Variants in NSD2 observed in about 807,000 individuals in gnomAD.
NSD2 encodes nuclear receptor binding SET domain protein 2.
Under a neutral mutation model 139.0 loss-of-function variants are expected in NSD2, and 12 were observed. The ratio of observed to expected loss-of-function variants is 0.09; its 90% CI spans 0.06 to 0.14. The LOEUF (loss-of-function observed/expected upper bound fraction) is 0.14. Among genes scored for constraint, NSD2 ranks in the 10% least tolerant of loss-of-function variants. The pLI is 1.00. For synonymous variants in NSD2, 669 were observed against 648.7 expected, an observed-to-expected ratio of 1.03 and a Z score of -0.48; for missense variants, 1,155 against 1,745.0, an observed-to-expected ratio of 0.66 and a Z score of 6.02.
At chr4:1,963,955 G>A (rs1395562282) in intron 18 of NSD2, among the ~76,000 whole-genome samples, 1 of 152,210 alleles carries the variant, frequency 6.6e-6, no homozygotes, top group Non-Finnish European at 1.5e-5. Context: ...CTATGATCAT[G>A]TCAATATATT....
Position 1,893,555 on chromosome 4 carries a change from T to TG in NSD2, c.-29-7071_-29-7070insG, listed in dbSNP as rs1438890232. 2.8e-3 allele frequency among the ~76,000 whole-genome samples: 414 copies of TG among 147,902 alleles called. 2 individuals carry two copies. The Middle Eastern group carries it at 0.031, about 11-fold the overall frequency. Reference sequence around the variant, plus strand: ...TTTTTTGTTTTTTGTTTTTTTTTTTTTTTTGTTTTGTTTTGAGACAAGGTC... The same window carrying TG: ...TTTTTTGTTTTTTGTTTTTTTTTTTTGTTTTGTTTTGTTTTGAGACAAGGTC... On this transcript the variant is annotated intron_variant, in intron 1 of 21. Coordinates refer to ENST00000508803, the MANE Select transcript of NSD2 (RefSeq NM_001042424.3).
chr4:1,904,651 C>G (rs920567533), intron 3 of NSD2, among the ~76,000 whole-genome samples: 1 of 152,082 alleles, frequency 6.6e-6, no homozygotes, highest in Non-Finnish European at 1.5e-5. Flanking sequence ...TATTTAGTTA[C>G]GATGATTGCT....
chr4:1,968,614 A>C (rs28673461), intron 18 of NSD2, among the ~76,000 whole-genome samples: 1,824 of 152,334 alleles, frequency 0.012, 38 homozygotes, highest in African/African-American at 0.042. Context: ...GAGAAATAAT[A>C]GTAATTAGAA....
chr4:1,978,523 C>T, intron 21 of NSD2, 115 bp from the exon 22 acceptor site: 6 of 1,433,112 alleles, frequency 4.2e-6, no homozygotes, highest in Non-Finnish European at 5.7e-6. Flanking sequence ...TTCGCTGGAG[C>T]CAGCACTATT....
At chr4:1,879,083 C>G (rs1714512437) in intron 1 of NSD2, among the ~76,000 whole-genome samples, 1 of 152,150 alleles carries the variant, frequency 6.6e-6, no homozygotes, top group South Asian at 2.1e-4. Context: ...AAATGTGTCT[C>G]TGGAGCTTCA....
intron 2 of NSD2, among the ~76,000 whole-genome samples, chr4:1,903,382 G>A (rs1008750023): frequency 1.3e-5 from 2 of 152,174 alleles, no homozygotes; most frequent in Admixed American, 6.5e-5. Flanking sequence ...ATGTTCTAGA[G>A]ATGGAGAAAT....
At chr4:1,944,020 G>A in intron 9 of NSD2, 1 of 1,065,796 alleles carries the variant, frequency 9.4e-7, no homozygotes, top group Non-Finnish European at 1.1e-6. Flanking sequence ...GCATGACATT[G>A]GCATCAGCTG....
rs1172004623 is a variant in NSD2, at chr4:1,974,265, C to A, written c.3373-598C>A. Among the ~76,000 whole-genome samples, 1 of 151,152 alleles carries A rather than the reference C, an allele frequency of 6.6e-6. No individual in the cohort carries two copies. Among genetic ancestry groups the A allele is most frequent in the Non-Finnish European group, 1.5e-5 (1 of 67,844 alleles). On this transcript the variant is annotated intron_variant, in intron 18 of 21. Transcript: ENST00000508803. The surrounding 1 kb of genome is among the most constrained non-coding windows in gnomAD (Gnocchi z 4.0). The stretch of plus-strand genomic sequence containing the variant: ...TGCTTTTGTTGCCCAGGCTGGAGTG[C>A]AGTGGCGCGATCTCCACTCTCTGTA...
chr4:1,942,314 T>C lies in NSD2; in HGVS notation c.1881+2536T>C, dbSNP rs749523324. ...ATTCCTTTAGTAGAGCAAATTCTTA[T>C]TTTTTTCGCCTTCACTGGTAACAGC... On this transcript the variant is annotated intron_variant, in intron 9 of 21. Transcript: ENST00000508803. This position sits in a 1 kb window ranked among gnomAD's most constrained non-coding sequence, Gnocchi z 4.0. 4 of 1,610,160 alleles carry C rather than the reference T, an allele frequency of 2.5e-6. No individual in the cohort carries two copies. Among genetic ancestry groups the C allele is most frequent in the Non-Finnish European group, 3.4e-6 (4 of 1,178,868 alleles).
At chr4:1,872,591 T>TGTGTGTGAGAGAGAGAGA (rs1281608141) in intron 1 of NSD2, among the ~76,000 whole-genome samples, 9 of 44,890 alleles carry the variant, frequency 2.0e-4, no homozygotes, top group Admixed American at 3.4e-4. Context: ...TGTGTGTGTG[T>TGTGTGTGAGAGAGAGAGA]GAGAGAGAGA....
rs1727617182 is a variant in NSD2, at chr4:1,980,174, C to T, written c.*1265C>T. 4.3e-6 allele frequency: 1 copy of T among 233,278 alleles called. No individual in the cohort carries two copies. Among genetic ancestry groups the T allele is most frequent in the African/African-American group, 2.2e-5 (1 of 45,452 alleles). 14.5% of individuals were successfully genotyped at this position (233,278 alleles called of 1,614,324 possible). On this transcript the variant is annotated 3_prime_UTR_variant, in exon 22 of 22. Transcript: ENST00000508803. ...CACTGGTCTAGGCCAGGTATGACAC[C>T]CACTCTCCTGTGAGATTTCACTTTA... is the stretch of plus-strand genomic sequence containing the variant.
intron 2 of NSD2, among the ~76,000 whole-genome samples, chr4:1,901,490 TAAGTGTTC>T (rs1224699547): frequency 6.6e-6 from 1 of 152,208 alleles, no homozygotes; most frequent in Non-Finnish European, 1.5e-5. Flanking sequence ...AGAGGTGAGC[TAAGTGTTC>T]AAGATTCAAA....
Position 1,964,959 on chromosome 4 carries a change from AAAT to A in NSD2, c.3372+3811_3372+3813del, listed in dbSNP as rs752739417. Among the ~76,000 whole-genome samples the A allele has an allele frequency of 8.5e-5, 13 of 152,060 alleles. No individual in the cohort carries two copies. In the East Asian group the frequency reaches 2.1e-3, roughly 25 times the overall value. ...CAATCAAAACAAGAACAATAAATAA[AAAT>A]AACAAAAACAGCAAACCTAGGGCAA... On this transcript the variant is annotated intron_variant, in intron 18 of 21. Transcript: ENST00000508803.
At position 1,976,397 on chromosome 4, in the gene NSD2, T is replaced by C. The variant is rs772357732; in HGVS notation, c.3622-78T>C. The C allele has an allele frequency of 3.4e-5, 50 of 1,486,802 alleles. No individual in the cohort carries two copies. Among genetic ancestry groups the C allele is most frequent in the Middle Eastern group, 1.7e-4 (1 of 5,818 alleles). 92.1% of individuals were successfully genotyped at this position (1,486,802 alleles called of 1,614,324 possible). On this transcript the variant is annotated intron_variant, in intron 20 of 21. Transcript: ENST00000508803. The surrounding 1 kb of genome is among the most constrained non-coding windows in gnomAD (Gnocchi z 5.3). ...GCAGAGATCTCTGAAGTTCCTGGAGTGTAGCTCGCTCTTCTGCCCTATTTG... is the reference window on the plus strand; with the variant it reads ...GCAGAGATCTCTGAAGTTCCTGGAGCGTAGCTCGCTCTTCTGCCCTATTTG...
At chr4:1,935,994 C>T (rs940097933) in intron 7 of NSD2, among the ~76,000 whole-genome samples, 1 of 152,214 alleles carries the variant, frequency 6.6e-6, no homozygotes, top group Non-Finnish European at 1.5e-5. Context: ...GTCAACAGTT[C>T]ATTAAAGGCA....
intron 3 of NSD2, among the ~76,000 whole-genome samples, chr4:1,906,678 T>TTC (rs1717953879): frequency 6.9e-6 from 1 of 145,782 alleles, no homozygotes; most frequent in Non-Finnish European, 1.5e-5. Flanking sequence ...TTTTTTTTTT[T>TTC]GAGACACAGT....
chr4:1,907,289 C>T (rs1399215310), intron 3 of NSD2, among the ~76,000 whole-genome samples: 1 of 152,046 alleles, frequency 6.6e-6, no homozygotes, highest in East Asian at 1.9e-4. Flanking sequence ...ACTCCCATTC[C>T]CCTGGTTTCT....
chr4:1,917,136 T>C (rs760615361), intron 4 of NSD2, 99 bp downstream of exon 4: 11 of 1,128,892 alleles, frequency 9.7e-6, no homozygotes, highest in Admixed American at 3.2e-5. Context: ...GCTCGAAATA[T>C]TGTAATGGCT....
chr4:1,962,149 C>T (rs1315605898), intron 18 of NSD2, among the ~76,000 whole-genome samples: 1 of 152,258 alleles, frequency 6.6e-6, no homozygotes, highest in African/African-American at 2.4e-5. Context: ...TCCCCTACCC[C>T]TGCAGTAGTG....
Sources: gnomAD v4.1 joint callset for allele counts (sites outside exome capture counted in the v4.1 genomes callset) on GRCh38, gnomAD v4.1.1 for gene constraint, Gnocchi (gnomAD v3.1) non-coding constraint, MANE v1.5 for transcripts, NCBI Gene and HGNC (gene_info 2026-07-23, HGNC 2026-07-21) for gene names.